Variants in AGGF1 observed in about 807,000 individuals in gnomAD.
The protein encoded by AGGF1 is angiogenic factor with G patch and FHA domains 1.
A neutral mutation model predicts 86.5 loss-of-function variants in AGGF1; 56 were observed. The ratio of observed to expected loss-of-function variants is 0.65; its 90% CI spans 0.52 to 0.81. The LOEUF (loss-of-function observed/expected upper bound fraction) is 0.81, where lower values mean the gene tolerates loss of function less well. Ranked by LOEUF, AGGF1 falls within the 30% of genes least tolerant of loss-of-function variation. AGGF1 has a pLI of 0.00. For missense variants in AGGF1, 816 were observed against 850.9 expected (o/e 0.96, Z 0.51); for synonymous variants, 313 against 297.1 (o/e 1.05, Z -0.55).
chr5:77,052,525 T>G (rs1354265863), intron 8 of AGGF1, among the ~76,000 whole-genome samples, 181 bp from the exon 9 acceptor site: 5 of 152,184 alleles, frequency 3.3e-5, no homozygotes, highest in African/African-American at 9.7e-5. Context: ...ATAGATGACA[T>G]TTTCTTCTAT....
intron 1 of AGGF1, among the ~76,000 whole-genome samples, chr5:77,033,491 A>C (rs1040802135): frequency 2.0e-5 from 3 of 152,182 alleles, no homozygotes; most frequent in Non-Finnish European, 4.4e-5. Context: ...AGGGCAAGGC[A>C]ATCAGGCTCC....
intron 4 of AGGF1, among the ~76,000 whole-genome samples, chr5:77,038,844 T>C (rs901677285): frequency 5.3e-5 from 8 of 152,156 alleles, no homozygotes; most frequent in Admixed American, 5.2e-4. Flanking sequence ...ATATAGGTGA[T>C]TACCTAATTT....
chr5:77,055,483 C>A (rs74848595), intron 10 of AGGF1, 31 bp from the exon 11 acceptor site: 189,149 of 1,453,482 alleles, frequency 0.13, 13,843 homozygotes, highest in Non-Finnish European at 0.15. Context: ...GATTTAGTGG[C>A]TTTTTTTTAA....
At chr5:77,032,545 C>T (rs1188395178) in intron 1 of AGGF1, among the ~76,000 whole-genome samples, 1 of 81,472 alleles carries the variant, frequency 1.2e-5, no homozygotes, top group Non-Finnish European at 2.2e-5. Context: ...GCCTGGGCGA[C>T]AAAGCAAGAC....
intron 8 of AGGF1, among the ~76,000 whole-genome samples, chr5:77,051,446 AAG>A (rs1491373498): frequency 2.6e-5 from 4 of 152,004 alleles, no homozygotes; most frequent in African/African-American, 9.7e-5. Context: ...AAAAAAAAAA[AAG>A]AGTTTTGGTA....
chr5:77,051,998 T>C (rs775934043), intron 8 of AGGF1, among the ~76,000 whole-genome samples: 32 of 152,350 alleles, frequency 2.1e-4, no homozygotes, highest in Non-Finnish European at 3.4e-4. Context: ...GTCCTAACTA[T>C]TGAACATCTT....
chr5:77,052,640 A>G (rs958141790), intron 8 of AGGF1, 66 bp from the exon 9 acceptor site: 2 of 1,131,722 alleles, frequency 1.8e-6, no homozygotes, highest in East Asian at 2.5e-5. Context: ...TCATCATATC[A>G]TACAGAAATT....
At chr5:77,057,937 G>C (rs1392459967) in intron 11 of AGGF1, among the ~76,000 whole-genome samples, 2 of 152,128 alleles carry the variant, frequency 1.3e-5, no homozygotes, top group Non-Finnish European at 2.9e-5. Flanking sequence ...AAGAAAGTGG[G>C]AAGAACTGTT....
chr5:77,036,127 T>C lies in AGGF1; in HGVS notation c.516+384T>C, dbSNP rs114571126. The C allele has an allele frequency of 1.9e-3, 478 of 257,440 alleles. 2 individuals are homozygous for C. Among genetic ancestry groups the C allele is most frequent in the African/African-American group, 0.01 (446 of 43,620 alleles). The allele number at this position is 257,440 out of a possible 1,614,324, so 15.9% of individuals were successfully genotyped here. On this transcript the variant is annotated intron_variant, in intron 3 of 13. Transcript: ENST00000312916. ...TTCCCTGAATCTATAAATTTGTTTT[T>C]ATAGTTTGTTTGAATTAGGATCCCT...
Position 77,064,041 on chromosome 5 carries a change from C to G in AGGF1, c.*789C>G, listed in dbSNP as rs1742735337. The G allele has an allele frequency of 6.6e-6, 1 of 152,494 alleles. No homozygotes were observed. The highest frequency in any genetic ancestry group is 1.5e-5 in the Non-Finnish European group (1 of 68,030). The allele number at this position is 152,494 out of a possible 1,614,324, so 9.4% of individuals were successfully genotyped here. A position where few individuals can be genotyped will look rare whatever the true frequency, so the allele number is the denominator to read the frequency against. ...GAATACTTAGCCAGGGCCTCAAGCT[C>G]AAGATACTTATTGAAAACATCCTCA... On this transcript the variant is annotated 3_prime_UTR_variant, in exon 14 of 14. Transcript: ENST00000312916.
At chr5:77,054,327 A>T (rs1264968595) in intron 10 of AGGF1, among the ~76,000 whole-genome samples, 197 bp downstream of exon 10, 1 of 152,238 alleles carries the variant, frequency 6.6e-6, no homozygotes, top group East Asian at 1.9e-4. Flanking sequence ...AATATTACCA[A>T]ATGAGACTAA....
Position 77,035,680 on chromosome 5 carries a change from TG to T in AGGF1, c.455del (p.Gly152ValfsTer27). The stretch of plus-strand genomic sequence containing the variant: ...TACAAGTAGAAAATGATGCTTACCC[TG>T]GTACCGATAGAACAGAAAATGTTAA... ...HLQVENDAYP[G>X]TDRTENVKYR... On this transcript the variant is annotated frameshift_variant, in exon 3 of 14. Coordinates refer to ENST00000312916, the MANE Select transcript of AGGF1 (RefSeq NM_018046.5). LOFTEE classifies it high-confidence loss of function. 1 of 1,613,678 alleles carries T rather than the reference TG, an allele frequency of 6.2e-7. No homozygotes were observed. The highest frequency in any genetic ancestry group is 1.1e-5 in the South Asian group (1 of 91,070).
intron 4 of AGGF1, 45 bp downstream of exon 4, chr5:77,036,765 T>TGACA: frequency 6.3e-7 from 1 of 1,599,012 alleles, no homozygotes; most frequent in East Asian, 2.2e-5. Context: ...TTTGAGACAG[T>TGACA]CTCCCTCTGT....
At chr5:77,048,123 T>C in intron 6 of AGGF1, 38 bp from the exon 7 acceptor site, 1 of 1,295,892 alleles carries the variant, frequency 7.7e-7, no homozygotes, top group Non-Finnish European at 1.1e-6. Context: ...TTTTTCATAG[T>C]AGTTAAATTA....
chr5:77,061,125 A>G lies in AGGF1; in HGVS notation c.1845-578A>G, dbSNP rs374545386. 2.0e-5 allele frequency among the ~76,000 whole-genome samples: 3 copies of G among 152,314 alleles called. No individual in the cohort carries two copies. In the South Asian group the frequency reaches 6.2e-4, roughly 32 times the overall value. Reference sequence around the variant, plus strand: ...CAAATTATAAGTATATAGCTCAATGATACATCATAAGATTAACATATTGCA... The same window carrying G: ...CAAATTATAAGTATATAGCTCAATGGTACATCATAAGATTAACATATTGCA... On this transcript the variant is annotated intron_variant, in intron 12 of 13. Transcript: ENST00000312916.
At chr5:77,041,766 A>AT (rs1436445508) in intron 5 of AGGF1, among the ~76,000 whole-genome samples, 1 of 147,602 alleles carries the variant, frequency 6.8e-6, no homozygotes, top group African/African-American at 2.5e-5. Flanking sequence ...AAATGTGCGA[A>AT]TTCCAAGACA....
chr5:77,040,329 C>G (rs928286440), intron 5 of AGGF1, among the ~76,000 whole-genome samples: 2 of 151,420 alleles, frequency 1.3e-5, no homozygotes, highest in East Asian at 3.9e-4. Context: ...AGGCTCGTCT[C>G]GAACTCCTGA....
chr5:77,055,364 A>G (rs1341484475), intron 10 of AGGF1, 150 bp from the exon 11 acceptor site: 9 of 594,328 alleles, frequency 1.5e-5, no homozygotes, highest in Non-Finnish European at 2.1e-5. Context: ...CATCATCACA[A>G]CCCAATATCC....
intron 8 of AGGF1, among the ~76,000 whole-genome samples, chr5:77,049,537 A>G (rs1328689585): frequency 1.3e-5 from 2 of 148,978 alleles, no homozygotes; most frequent in East Asian, 3.9e-4. Flanking sequence ...GAGATTCTTT[A>G]TATATTTTTA....
Sources: gnomAD v4.1 joint callset for allele counts (sites outside exome capture counted in the v4.1 genomes callset) on GRCh38, gnomAD v4.1.1 for gene constraint, MANE v1.5 for transcripts, NCBI Gene and HGNC (gene_info 2026-07-23, HGNC 2026-07-21) for gene names.